Variants in MBD5 observed in about 807,000 individuals in gnomAD.
MBD5 encodes methyl-CpG binding domain protein 5.
Under a neutral mutation model 117.3 loss-of-function variants are expected in MBD5, and 13 were observed. The observed-to-expected ratio is 0.11, with a 90% CI of 0.07 to 0.18. The LOEUF (loss-of-function observed/expected upper bound fraction) is 0.18. Among genes scored for constraint, MBD5 ranks in the 10% least tolerant of loss-of-function variants. The pLI, the probability that MBD5 is intolerant of heterozygous loss-of-function variation, is 1.00. For synonymous variants in MBD5, 727 were observed against 766.4 expected (o/e 0.95, Z 0.85); for missense variants, 1,879 against 2,093.8 (o/e 0.90, Z 2.00).
At chr2:148,346,395 A>G (rs1422991243) in intron 4 of MBD5, 1 of 151,982 alleles carries the variant, frequency 6.6e-6, no homozygotes, top group East Asian at 1.9e-4. Flanking sequence ...GAATCGGTAG[A>G]TCAAATAGTA....
intron 1 of MBD5, among the ~76,000 whole-genome samples, chr2:148,048,054 C>G (rs887736616): frequency 6.6e-6 from 1 of 152,100 alleles, no homozygotes; most frequent in African/African-American, 2.4e-5. Flanking sequence ...TGTTCTTTCC[C>G]TTTGAAGTCT....
At chr2:148,206,096 T>G (rs1699273766) in intron 2 of MBD5, among the ~76,000 whole-genome samples, 1 of 151,532 alleles carries the variant, frequency 6.6e-6, no homozygotes, top group African/African-American at 2.4e-5. Context: ...GCACTCCAAC[T>G]TGTGCAACAA....
intron 1 of MBD5, among the ~76,000 whole-genome samples, chr2:148,029,698 T>G (rs1693986134): frequency 1.3e-5 from 2 of 152,230 alleles, no homozygotes; most frequent in South Asian, 2.1e-4. Context: ...TTATGTGTGT[T>G]TAATTTTTCT....
intron 3 of MBD5, among the ~76,000 whole-genome samples, chr2:148,337,672 AC>A (rs1369259791): frequency 2.2e-5 from 3 of 138,112 alleles, no homozygotes; most frequent in African/African-American, 8.3e-5. Context: ...CATGTGAATA[AC>A]CTATTAAAAA....
At position 148,319,236 on chromosome 2, in the gene MBD5, G is replaced by A. The variant is rs144785957; in HGVS notation, c.-679-22978G>A. Among the ~76,000 whole-genome samples, 336 of 152,162 alleles carry A rather than the reference G, an allele frequency of 2.2e-3. 3 individuals are homozygous for A. Among genetic ancestry groups the A allele is most frequent in the Admixed American group, 9.6e-3 (147 of 15,274 alleles). ...CTTACAATTGATTTGGCTATTTGGG[G>A]TCTTATTTTTTAGACCCATATTAAT... On this transcript the variant is annotated intron_variant, in intron 3 of 13. Coordinates refer to ENST00000642680, the MANE Select transcript of MBD5 (RefSeq NM_001378120.1).
intron 3 of MBD5, among the ~76,000 whole-genome samples, chr2:148,235,457 A>G (rs1370810065): frequency 6.6e-6 from 1 of 152,174 alleles, no homozygotes; most frequent in African/African-American, 2.4e-5. Context: ...ATTTGTGACC[A>G]TGTAATTAAT....
intron 4 of MBD5, among the ~76,000 whole-genome samples, chr2:148,431,439 AG>A (rs1451958225): frequency 6.6e-5 from 10 of 152,200 alleles, no homozygotes; most frequent in Middle Eastern, 6.8e-3. Context: ...TTTGTTATAC[AG>A]GTAAACTGCA....
chr2:148,463,880 C>T lies in MBD5; in HGVS notation c.358C>T (p.His120Tyr). 6.2e-7 allele frequency: 1 copy of T among 1,613,680 alleles called. No homozygotes were observed. Among genetic ancestry groups the T allele is most frequent in the Non-Finnish European group, 8.5e-7 (1 of 1,179,728 alleles). The change falls in exon 7 of 14, where the codon CAT becomes TAT. Residue 120 changes from histidine (H) to tyrosine (Y), a missense_variant. Coordinates refer to ENST00000642680, the MANE Select transcript of MBD5 (RefSeq NM_001378120.1). Reference protein sequence around the residue: ...ATLHKSMEAPHPSLVLTSPGG... With the variant: ...ATLHKSMEAPYPSLVLTSPGG... ...ACTTCATAAAAGCATGGAAGCCCCA[C>T]ATCCTTCTCTGGTGCTCACCAGTCC...
chr2:148,132,771 C>A (rs1398565345), intron 1 of MBD5, among the ~76,000 whole-genome samples: 1 of 152,120 alleles, frequency 6.6e-6, no homozygotes, highest in Non-Finnish European at 1.5e-5. Flanking sequence ...AATCATACAT[C>A]ATTTTTCAAG....
intron 1 of MBD5, among the ~76,000 whole-genome samples, chr2:148,058,758 G>T (rs1694943807): frequency 6.6e-6 from 1 of 152,052 alleles, no homozygotes; most frequent in Non-Finnish European, 1.5e-5. Context: ...AATTCTGTCT[G>T]ACTTTAAAAG....
chr2:148,411,534 T>G (rs1164103138), intron 4 of MBD5, among the ~76,000 whole-genome samples: 1 of 141,670 alleles, frequency 7.1e-6, no homozygotes, highest in Non-Finnish European at 1.5e-5. Context: ...TTTTTTTTTT[T>G]GTAGTAATTG....
chr2:148,263,140 T>G (rs1337249300), intron 3 of MBD5, among the ~76,000 whole-genome samples: 1 of 152,212 alleles, frequency 6.6e-6, no homozygotes, highest in Admixed American at 6.5e-5. Flanking sequence ...CCATAAATTT[T>G]GTATTTGAAA....
chr2:148,155,911 T>A (rs1318207016), intron 1 of MBD5, among the ~76,000 whole-genome samples: 2 of 152,232 alleles, frequency 1.3e-5, no homozygotes, highest in African/African-American at 2.4e-5. Context: ...GAGTAAGCTA[T>A]ACTCCTGTTA....
intron 3 of MBD5, among the ~76,000 whole-genome samples, chr2:148,324,956 A>T (rs1160256060): frequency 2.0e-5 from 3 of 152,134 alleles, no homozygotes; most frequent in African/African-American, 7.2e-5. Context: ...ATTCAGTATG[A>T]TATTGGCTGT....
At chr2:148,249,885 G>A (rs961870720) in intron 3 of MBD5, among the ~76,000 whole-genome samples, 1 of 152,108 alleles carries the variant, frequency 6.6e-6, no homozygotes, top group Non-Finnish European at 1.5e-5. Context: ...GCAGGCCAGG[G>A]ATGCTGCTTC....
Position 148,512,904 on chromosome 2 carries a change from G to A in MBD5, c.5147G>A (p.Arg1716Lys), listed in dbSNP as rs534850589. The A allele has an allele frequency of 1.2e-6, 2 of 1,613,750 alleles. No individual in the cohort carries two copies. Among genetic ancestry groups the A allele is most frequent in the African/African-American group, 2.7e-5 (2 of 74,926 alleles). The change falls in exon 14 of 14, where the codon AGA (arginine) becomes AAA (lysine). Residue 1716 changes from arginine to lysine, a missense_variant. Physicochemically the swap from Arg to Lys is conservative, Grantham distance 26. Coordinates refer to ENST00000642680, the MANE Select transcript of MBD5 (RefSeq NM_001378120.1). Reference protein sequence around the residue: ...HQIPQGDRQMRPPKPKRRKIS... With the variant: ...HQIPQGDRQMKPPKPKRRKIS... Reference sequence around the variant, plus strand: ...ATCCCACAGGGTGACAGACAAATGAGACCCCCCAAACCCAAGAGGAGGAAG... The same window carrying A: ...ATCCCACAGGGTGACAGACAAATGAAACCCCCCAAACCCAAGAGGAGGAAG...
intron 4 of MBD5, among the ~76,000 whole-genome samples, chr2:148,427,675 A>G (rs1235794257): frequency 6.6e-6 from 1 of 152,126 alleles, no homozygotes; most frequent in Non-Finnish European, 1.5e-5. Flanking sequence ...GCATTAGGAG[A>G]TATACCTAAT....
chr2:148,024,424 A>C (rs948541178), intron 1 of MBD5, among the ~76,000 whole-genome samples: 7 of 152,250 alleles, frequency 4.6e-5, no homozygotes, highest in Admixed American at 3.9e-4. Flanking sequence ...GTCTTGCCCT[A>C]TGAACTGCCT....
chr2:148,079,994 A>G (rs1053858551), intron 1 of MBD5, among the ~76,000 whole-genome samples: 2 of 152,212 alleles, frequency 1.3e-5, no homozygotes, highest in African/African-American at 4.8e-5. Flanking sequence ...AATAGATTCT[A>G]ATTTATCTCT....
Sources: allele counts gnomAD v4.1 joint callset (sites outside exome capture counted in the v4.1 genomes callset), GRCh38; gene constraint gnomAD v4.1.1; transcripts MANE v1.5; gene names NCBI Gene and HGNC (gene_info 2026-07-23, HGNC 2026-07-21).